SGCZ: variants seen among roughly 807,000 people sequenced by gnomAD.
SGCZ encodes zeta-sarcoglycan.
SGCZ carries 40 observed loss-of-function variants against 41.3 expected under a neutral mutation model. The observed-to-expected ratio is 0.97, with a 90% confidence interval of 0.75 to 1.26. SGCZ has a LOEUF of 1.26. Ranked by LOEUF, SGCZ falls within the 50% of genes most tolerant of loss-of-function variation. The pLI is 0.00. For synonymous variants in SGCZ, 206 were observed against 137.5 expected, an observed-to-expected ratio of 1.50 and a Z score of -3.49; for missense variants, 552 against 369.8, an observed-to-expected ratio of 1.49 and a Z score of -4.04.
At chr8:14,578,092 G>C (rs1563127905) in intron 1 of SGCZ, among the ~76,000 whole-genome samples, 1 of 152,148 alleles carries the variant, frequency 6.6e-6, no homozygotes, top group Non-Finnish European at 1.5e-5. Flanking sequence ...GAACATTGAG[G>C]CCTATTTTAT....
intron 1 of SGCZ, among the ~76,000 whole-genome samples, chr8:14,612,875 G>A (rs539735518): frequency 2.4e-4 from 37 of 152,158 alleles, no homozygotes; most frequent in Non-Finnish European, 5.0e-4. Flanking sequence ...TAGTAGATAC[G>A]GGGTTTCACC....
At chr8:14,441,135 T>C (rs978412078) in intron 2 of SGCZ, among the ~76,000 whole-genome samples, 4 of 152,216 alleles carry the variant, frequency 2.6e-5, no homozygotes, top group Non-Finnish European at 4.4e-5. Context: ...CCAATATTCA[T>C]CTGCTCTTAG....
At chr8:14,897,196 T>C (rs1040209199) in intron 1 of SGCZ, among the ~76,000 whole-genome samples, 3 of 152,212 alleles carry the variant, frequency 2.0e-5, no homozygotes, top group African/African-American at 7.2e-5. Flanking sequence ...TGTAAAGGTA[T>C]TTTAATTAAT....
At chr8:14,529,107 G>A (rs1367728369) in intron 2 of SGCZ, among the ~76,000 whole-genome samples, 1 of 152,066 alleles carries the variant, frequency 6.6e-6, no homozygotes, top group African/African-American at 2.4e-5. Context: ...TTTTTATAAA[G>A]AAATATTAAG....
chr8:15,125,334 C>A (rs1324392032), intron 1 of SGCZ, among the ~76,000 whole-genome samples: 1 of 152,132 alleles, frequency 6.6e-6, no homozygotes, highest in Non-Finnish European at 1.5e-5. Flanking sequence ...GGGACTATGT[C>A]CTCTCTGACC....
At chr8:14,608,554 A>G (rs1805827028) in intron 1 of SGCZ, among the ~76,000 whole-genome samples, 1 of 152,078 alleles carries the variant, frequency 6.6e-6, no homozygotes. Context: ...AGGGAGTAAG[A>G]ACTCACTCAT....
At chr8:15,102,160 G>C (rs1044056518) in intron 1 of SGCZ, among the ~76,000 whole-genome samples, 1 of 152,078 alleles carries the variant, frequency 6.6e-6, no homozygotes, top group Non-Finnish European at 1.5e-5. Flanking sequence ...AAACAACCAA[G>C]GTGTCCTTCA....
intron 1 of SGCZ, among the ~76,000 whole-genome samples, chr8:14,980,873 T>A (rs1801640074): frequency 1.3e-5 from 2 of 150,298 alleles, no homozygotes; most frequent in South Asian, 4.1e-4. Flanking sequence ...CTTTTATCTA[T>A]CCATGCATAC....
At chr8:14,422,742 G>A (rs547266938) in intron 2 of SGCZ, among the ~76,000 whole-genome samples, 4 of 152,296 alleles carry the variant, frequency 2.6e-5, no homozygotes, top group African/African-American at 9.6e-5. Flanking sequence ...CAGAAGGCTT[G>A]CTTTTGTTAC....
At chr8:14,356,957 A>T (rs1803318480) in intron 2 of SGCZ, among the ~76,000 whole-genome samples, 1 of 152,106 alleles carries the variant, frequency 6.6e-6, no homozygotes, top group South Asian at 2.1e-4. Context: ...CAAATTCTAA[A>T]TTTGAGAAAA....
At chr8:14,537,551 C>CT (rs1803332633) in intron 2 of SGCZ, among the ~76,000 whole-genome samples, 1 of 135,068 alleles carries the variant, frequency 7.4e-6, no homozygotes, top group African/African-American at 2.5e-5. Context: ...TCTTCTCTTT[C>CT]TTTCTTTTCT....
intron 1 of SGCZ, among the ~76,000 whole-genome samples, chr8:15,087,260 A>T (rs1296850618): frequency 6.6e-6 from 1 of 152,124 alleles, no homozygotes; most frequent in African/African-American, 2.4e-5. Flanking sequence ...CTACTACAGT[A>T]GATTTTGCAT....
At chr8:14,398,427 A>G (rs1798978440) in intron 2 of SGCZ, among the ~76,000 whole-genome samples, 1 of 152,078 alleles carries the variant, frequency 6.6e-6, no homozygotes, top group Non-Finnish European at 1.5e-5. Flanking sequence ...TTTTGTCACT[A>G]AAGGCCTATC....
intron 2 of SGCZ, among the ~76,000 whole-genome samples, chr8:14,364,938 A>G (rs909077658): frequency 1.3e-5 from 2 of 152,098 alleles, no homozygotes; most frequent in Non-Finnish European, 2.9e-5. Flanking sequence ...ATGTCACAAA[A>G]TAATTCTTCT....
At chr8:15,224,621 C>T (rs1387431031) in intron 1 of SGCZ, among the ~76,000 whole-genome samples, 1 of 152,068 alleles carries the variant, frequency 6.6e-6, no homozygotes, top group Non-Finnish European at 1.5e-5. Flanking sequence ...AAGCTAAATG[C>T]AGTAAATAGG....
At chr8:14,467,590 A>T (rs796519854) in intron 2 of SGCZ, among the ~76,000 whole-genome samples, 4 of 152,162 alleles carry the variant, frequency 2.6e-5, no homozygotes, top group African/African-American at 9.6e-5. Flanking sequence ...AATTAACTAC[A>T]ATTTACCATC....
chr8:14,991,112 C>T (rs1025911469), intron 1 of SGCZ, among the ~76,000 whole-genome samples: 3 of 152,136 alleles, frequency 2.0e-5, no homozygotes, highest in Admixed American at 1.3e-4. Context: ...ATATTTTTAA[C>T]ATTTTGGCAA....
intron 1 of SGCZ, among the ~76,000 whole-genome samples, chr8:14,882,928 G>A (rs1010145628): frequency 6.6e-6 from 1 of 151,936 alleles, no homozygotes; most frequent in Non-Finnish European, 1.5e-5. Context: ...TGGAACAAGT[G>A]CACGATAACC....
chr8:15,124,637 G>A (rs1807610089), intron 1 of SGCZ, among the ~76,000 whole-genome samples: 1 of 152,132 alleles, frequency 6.6e-6, no homozygotes, highest in South Asian at 2.1e-4. Context: ...TATCATCCAA[G>A]CTCCTGATTC....
Sources: gnomAD v4.1 joint callset for allele counts (sites outside exome capture counted in the v4.1 genomes callset) on GRCh38, gnomAD v4.1.1 for gene constraint, MANE v1.5 for transcripts, NCBI Gene and HGNC (gene_info 2026-07-23, HGNC 2026-07-21) for gene names.